RNF150: variants seen among roughly 807,000 people sequenced by gnomAD.
RNF150 encodes ring finger protein 150.
In RNF150, 24 loss-of-function variants were observed where a neutral mutation model predicts 39.3. The observed-to-expected ratio is 0.61, with a 90% CI of 0.44 to 0.86. The LOEUF is 0.86. Among genes scored for constraint, RNF150 ranks in the 40% least tolerant of loss-of-function variants. The pLI is 0.00. For synonymous variants in RNF150, 255 were observed against 227.3 expected, an observed-to-expected ratio of 1.12 and a Z score of -1.10; for missense variants, 502 against 587.8, an observed-to-expected ratio of 0.85 and a Z score of 1.51.
intron 1 of RNF150, among the ~76,000 whole-genome samples, chr4:141,048,128 A>C (rs996646976): frequency 1.3e-5 from 2 of 152,220 alleles, no homozygotes; most frequent in African/African-American, 2.4e-5. Flanking sequence ...GGGCACTTTC[A>C]TCCATGTCAT....
intron 1 of RNF150, among the ~76,000 whole-genome samples, chr4:141,205,834 T>G (rs1037445612): frequency 1.4e-4 from 21 of 152,176 alleles, no homozygotes; most frequent in Non-Finnish European, 1.6e-4. Context: ...GGTCAGTGCA[T>G]GTGTGTTTGT....
intron 1 of RNF150, among the ~76,000 whole-genome samples, chr4:140,972,087 T>G (rs1377891536): frequency 6.6e-6 from 1 of 152,140 alleles, no homozygotes; most frequent in Non-Finnish European, 1.5e-5. Context: ...ACACTTAATA[T>G]CCACTTTTTC....
At chr4:140,968,237 A>G (rs567612719) in intron 1 of RNF150, among the ~76,000 whole-genome samples, 27 of 152,048 alleles carry the variant, frequency 1.8e-4, no homozygotes, top group Admixed American at 7.9e-4. Context: ...GTTGCATTCC[A>G]TAGATCCCCT....
chr4:140,986,126 C>T (rs2111467523), intron 1 of RNF150, among the ~76,000 whole-genome samples: 1 of 152,142 alleles, frequency 6.6e-6, no homozygotes, highest in African/African-American at 2.4e-5. Flanking sequence ...AAATAGATTA[C>T]TTATATTAAA....
At chr4:141,068,589 T>C (rs1316107301) in intron 1 of RNF150, among the ~76,000 whole-genome samples, 1 of 151,894 alleles carries the variant, frequency 6.6e-6, no homozygotes, top group East Asian at 1.9e-4. Flanking sequence ...TTTCCAATTC[T>C]GTGAAGAAAG....
intron 1 of RNF150, among the ~76,000 whole-genome samples, chr4:141,027,284 A>G (rs1276973369): frequency 6.6e-6 from 1 of 152,218 alleles, no homozygotes; most frequent in Admixed American, 6.5e-5. Flanking sequence ...ACGATACATG[A>G]CAAAATTTCC....
intron 1 of RNF150, among the ~76,000 whole-genome samples, chr4:141,025,463 T>G (rs1735662041): frequency 6.6e-6 from 1 of 152,166 alleles, no homozygotes; most frequent in African/African-American, 2.4e-5. Flanking sequence ...ATTTGCAGTG[T>G]TTTCTATTAT....
chr4:141,090,252 A>G (rs1208820006), intron 1 of RNF150, among the ~76,000 whole-genome samples: 2 of 152,196 alleles, frequency 1.3e-5, no homozygotes, highest in Non-Finnish European at 2.9e-5. Context: ...GTAAAATTCT[A>G]TGCTTCATTT....
chr4:140,945,891 T>A (rs1377612175), intron 4 of RNF150, among the ~76,000 whole-genome samples: 1 of 152,080 alleles, frequency 6.6e-6, no homozygotes, highest in Non-Finnish European at 1.5e-5. Flanking sequence ...AGGAAAGCAC[T>A]TTGCTTATAT....
At chr4:140,876,698 G>A (rs1469196088) in intron 6 of RNF150, among the ~76,000 whole-genome samples, 1 of 152,224 alleles carries the variant, frequency 6.6e-6, no homozygotes, top group Non-Finnish European at 1.5e-5. Context: ...GAAGATGGAA[G>A]AAGTGGGATC....
intron 1 of RNF150, among the ~76,000 whole-genome samples, chr4:141,062,791 C>T (rs1016513500): frequency 4.6e-5 from 7 of 152,116 alleles, no homozygotes; most frequent in Non-Finnish European, 1.0e-4. Context: ...CAATGAGCAC[C>T]GTACCCAACA....
intron 1 of RNF150, among the ~76,000 whole-genome samples, chr4:140,969,987 C>CTCCTGACCT (rs1385199491): frequency 1.3e-5 from 2 of 152,068 alleles, no homozygotes; most frequent in Non-Finnish European, 2.9e-5. Context: ...TCGTCTTGAA[C>CTCCTGACCT]TCCTGACCTC....
Position 141,102,675 on chromosome 4 carries a change from C to T in RNF150, c.484+29650G>A, listed in dbSNP as rs113823178. Among the ~76,000 whole-genome samples, 1,008 of 152,272 alleles carry T rather than the reference C, an allele frequency of 6.6e-3. 7 individuals carry two copies. Among genetic ancestry groups the T allele is most frequent in the African/African-American group, 0.023 (940 of 41,532 alleles). On this transcript the variant is annotated intron_variant, in intron 1 of 6. Coordinates refer to ENST00000515673, the MANE Select transcript of RNF150 (RefSeq NM_020724.2). ...ATTATCGCAACAGATGACCATGGCT[C>T]GGAGGCCTGCTGATAATTCACAAGG...
chr4:141,080,454 C>T (rs7441706), intron 1 of RNF150, among the ~76,000 whole-genome samples: 114,333 of 152,110 alleles, frequency 0.75, 43,559 homozygotes, highest in East Asian at 1. Context: ...TAAATTTTCT[C>T]TCGTCATTGT....
At chr4:140,983,678 G>C (rs186233878) in intron 1 of RNF150, among the ~76,000 whole-genome samples, 42 of 151,970 alleles carry the variant, frequency 2.8e-4, no homozygotes, top group East Asian at 1.5e-3. Flanking sequence ...GAAGCTAAAG[G>C]GGGTAAGAAA....
rs1345692046 is a variant in RNF150 at position 140,880,762 on chromosome 4, C to T, written c.1199-12383G>A. On this transcript the variant is annotated intron_variant, in intron 6 of 6. Transcript: ENST00000515673. ...CTATTTCTTCATGATTCAGTCATAA[C>T]AGATTGCATTTGTCTAGGAATTTCT... Among the ~76,000 whole-genome samples the T allele has an allele frequency of 2.0e-5, 3 of 151,992 alleles. No homozygotes were observed. In the South Asian group the frequency reaches 6.2e-4, roughly 31 times the overall value.
chr4:141,004,729 T>TTATAA (rs1734802401), intron 1 of RNF150, among the ~76,000 whole-genome samples: 1 of 152,180 alleles, frequency 6.6e-6, no homozygotes, highest in South Asian at 2.1e-4. Context: ...AAGTTGTCTT[T>TTATAA]GAGACATATG....
chr4:140,961,852 T>C (rs1237412942), intron 2 of RNF150, among the ~76,000 whole-genome samples: 1 of 152,082 alleles, frequency 6.6e-6, no homozygotes, highest in East Asian at 1.9e-4. Flanking sequence ...TTGTTTTTCA[T>C]ATACCTCACA....
intron 1 of RNF150, among the ~76,000 whole-genome samples, chr4:141,011,254 T>TAA (rs142736878): frequency 2.0e-5 from 3 of 148,584 alleles, no homozygotes; most frequent in Non-Finnish European, 3.0e-5. Flanking sequence ...AATTCAAAAG[T>TAA]AAAAAAAAAA....
Sources: gnomAD v4.1 joint callset for allele counts (sites outside exome capture counted in the v4.1 genomes callset) on GRCh38, gnomAD v4.1.1 for gene constraint, MANE v1.5 for transcripts, NCBI Gene and HGNC (gene_info 2026-07-23, HGNC 2026-07-21) for gene names.